The following AAMDC variants were observed in gnomAD, a reference collection of about 807,000 sequenced individuals.
The protein encoded by AAMDC is mth938 domain-containing protein.
Under a neutral mutation model 15.5 loss-of-function variants are expected in AAMDC, and 16 were observed. The observed-to-expected ratio is 1.03, with a 90% CI of 0.70 to 1.57. The LOEUF (loss-of-function observed/expected upper bound fraction) is 1.57. Ranked by LOEUF, AAMDC falls within the 40% of genes most tolerant of loss-of-function variation. The pLI, the probability that AAMDC is intolerant of heterozygous loss-of-function variation, is 0.00. For missense variants in AAMDC, 141 were observed against 144.9 expected, an observed-to-expected ratio of 0.97 and a Z score of 0.14; for synonymous variants, 51 against 51.6, an observed-to-expected ratio of 0.99 and a Z score of 0.05.
At chr11:77,895,171 G>A (rs7929313) in intron 5 of AAMDC, among the ~76,000 whole-genome samples, 57,277 of 151,868 alleles carry the variant, frequency 0.38, 11,156 homozygotes, top group African/African-American at 0.45. Flanking sequence ...TGCTAGGTCA[G>A]TATGACTTAC....
chr11:77,847,767 G>T (rs1024585336), intron 2 of AAMDC, among the ~76,000 whole-genome samples: 2 of 152,106 alleles, frequency 1.3e-5, no homozygotes, highest in African/African-American at 2.4e-5. Context: ...ATTAGTCAGG[G>T]TTCTCCAGAA....
intron 2 of AAMDC, among the ~76,000 whole-genome samples, chr11:77,854,854 G>T (rs1014278863): frequency 2.0e-5 from 3 of 152,192 alleles, no homozygotes; most frequent in Admixed American, 1.3e-4. Context: ...TATTGTAGAG[G>T]TTTTCCATGA....
At chr11:77,876,745 CA>C (rs140317668), downstream of AAMDC, among the ~76,000 whole-genome samples, 14,880 of 152,198 alleles carry the variant, frequency 0.098, 1,064 homozygotes, top group Admixed American at 0.18. Context: ...AAGACAGGAT[CA>C]AGTCCTGGCT....
At chr11:77,882,282 A>C (rs1951823941) in intron 5 of AAMDC, among the ~76,000 whole-genome samples, 1 of 152,104 alleles carries the variant, frequency 6.6e-6, no homozygotes, top group East Asian at 1.9e-4. Flanking sequence ...TCTGCAATGA[A>C]CTAGGATACC....
At chr11:77,889,356 T>G (rs1477031321) in intron 5 of AAMDC, among the ~76,000 whole-genome samples, 1 of 122,610 alleles carries the variant, frequency 8.2e-6, no homozygotes, top group Non-Finnish European at 1.6e-5. Context: ...TGAGAACACA[T>G]GGACACAGGA....
intron 5 of AAMDC, among the ~76,000 whole-genome samples, chr11:77,898,009 C>T (rs376116230): frequency 6.6e-6 from 1 of 152,138 alleles, no homozygotes; most frequent in East Asian, 1.9e-4. Flanking sequence ...GACAGGGTCT[C>T]ATTATGTTGC....
At chr11:77,821,393 G>T (rs1948891895) in intron 1 of AAMDC, among the ~76,000 whole-genome samples, 152 bp downstream of exon 1, 1 of 152,132 alleles carries the variant, frequency 6.6e-6, no homozygotes, top group African/African-American at 2.4e-5. Context: ...CTTAATTAGG[G>T]GCTGGGCTGG....
At chr11:77,846,469 G>A (rs1340654782) in intron 2 of AAMDC, among the ~76,000 whole-genome samples, 3 of 152,164 alleles carry the variant, frequency 2.0e-5, no homozygotes, top group African/African-American at 4.8e-5. Context: ...AACTTTGGGA[G>A]GCTGAGGCAG....
downstream of AAMDC, among the ~76,000 whole-genome samples, chr11:77,904,007 C>CTTTTTTCT (rs1196251598): frequency 6.6e-6 from 1 of 152,204 alleles, no homozygotes; most frequent in Non-Finnish European, 1.5e-5. Context: ...AACTGTGGTT[C>CTTTTTTCT]TTTTTTCTTT....
At chr11:77,863,349 G>A (rs1366405293) in intron 2 of AAMDC, among the ~76,000 whole-genome samples, 3 of 152,200 alleles carry the variant, frequency 2.0e-5, no homozygotes, top group African/African-American at 7.2e-5. Context: ...TGGCGGCAAA[G>A]AGCAGTGGTG....
chr11:77,853,481 C>T (rs773868934), intron 2 of AAMDC, among the ~76,000 whole-genome samples: 4 of 151,926 alleles, frequency 2.6e-5, no homozygotes, highest in Admixed American at 6.6e-5. Flanking sequence ...CTCACTATCA[C>T]GAGAACAGCA....
intron 5 of AAMDC, among the ~76,000 whole-genome samples, chr11:77,887,735 A>C (rs1952078310): frequency 6.6e-6 from 1 of 152,200 alleles, no homozygotes; most frequent in Non-Finnish European, 1.5e-5. Flanking sequence ...CTCAGGATAC[A>C]AAATCAATGT....
chr11:77,884,850 G>A, intron 5 of AAMDC: 2 of 370,458 alleles, frequency 5.4e-6, no homozygotes, highest in South Asian at 4.1e-5. Context: ...AAACTCCTGG[G>A]CGCAAGTGAT....
rs1448206704 is a variant in AAMDC, at chr11:77,830,912, G to T, written c.-19+9671G>T. On this transcript the variant is annotated intron_variant, in intron 1 of 3. Coordinates refer to ENST00000393427, the MANE Select transcript of AAMDC (RefSeq NM_024684.4). ...TCCCATCACTTTGGGAGACTGAGGT[G>T]GGAGAATTGCTTGAGTCCAGGAGTT... 2.7e-5 allele frequency among the ~76,000 whole-genome samples: 4 copies of T among 150,792 alleles called. No homozygotes were observed. In the South Asian group the frequency reaches 8.4e-4, roughly 32 times the overall value.
chr11:77,869,969 G>A (rs1951336238), intron 3 of AAMDC, 152 bp downstream of exon 3: 6 of 624,654 alleles, frequency 9.6e-6, no homozygotes, highest in Non-Finnish European at 1.7e-5. Flanking sequence ...ACATTCCTCT[G>A]CCTCATCAGC....
chr11:77,854,326 T>C (rs1339184899), intron 2 of AAMDC, among the ~76,000 whole-genome samples: 1 of 152,116 alleles, frequency 6.6e-6, no homozygotes, highest in African/African-American at 2.4e-5. Context: ...CAGCATTAAC[T>C]GAAAAGTCCA....
chr11:77,883,989 A>C, intron 5 of AAMDC: 1 of 1,601,588 alleles, frequency 6.2e-7, no homozygotes, highest in South Asian at 1.1e-5. Context: ...GGCAGAAGCG[A>C]GAGGAGCATT....
chr11:77,826,094 C>T (rs1292335450), intron 1 of AAMDC, among the ~76,000 whole-genome samples: 1 of 152,040 alleles, frequency 6.6e-6, no homozygotes, highest in Admixed American at 6.5e-5. Flanking sequence ...GAAAAATGAG[C>T]GGGTAGCCAG....
downstream of AAMDC, among the ~76,000 whole-genome samples, chr11:77,904,120 A>G (rs1484045513): frequency 6.6e-6 from 1 of 152,200 alleles, no homozygotes; most frequent in African/African-American, 2.4e-5. Flanking sequence ...ATCTTTCTAC[A>G]TTCAAAACCA....
Sources: allele counts gnomAD v4.1 joint callset (sites outside exome capture counted in the v4.1 genomes callset), GRCh38; gene constraint gnomAD v4.1.1; transcripts MANE v1.5; gene names NCBI Gene and HGNC (gene_info 2026-07-23, HGNC 2026-07-21).